The following VCF1 variants were observed in gnomAD, a reference collection of about 807,000 sequenced individuals.
VCF1 encodes the protein VCP nuclear cofactor family member 1.
chr17:73,220,027 A>G, the VCF1 span, among the ~76,000 whole-genome samples: 452 of 152,188 alleles, frequency 3.0e-3, 5 homozygotes, highest in African/African-American at 0.011. Flanking sequence ...TTAATTTGCT[A>G]CAGGGTTCTA....
chr17:73,217,764 G>A, the VCF1 span, among the ~76,000 whole-genome samples: 1 of 151,958 alleles, frequency 6.6e-6, no homozygotes, highest in African/African-American at 2.4e-5. Context: ...CTGAGCTCAG[G>A]AGTTTGAGAC....
the VCF1 span, among the ~76,000 whole-genome samples, chr17:73,211,635 G>A: frequency 6.6e-6 from 1 of 151,238 alleles, no homozygotes; most frequent in East Asian, 1.9e-4. Flanking sequence ...CCCGAGGCAG[G>A]TGGATCACGA....
the VCF1 span, among the ~76,000 whole-genome samples, chr17:73,224,835 CACAGCACAGGACAGGACAGGACAGG>C: frequency 7.6e-6 from 1 of 130,972 alleles, no homozygotes; most frequent in African/African-American, 2.9e-5. Flanking sequence ...CACAGCACAG[CACAGCACAGGACAGGACAGGACAGG>C]ACAGCACAGG....
chr17:73,226,370 A>G, the VCF1 span, among the ~76,000 whole-genome samples: 1 of 152,224 alleles, frequency 6.6e-6, no homozygotes, highest in Non-Finnish European at 1.5e-5. Context: ...CAGACTGGAT[A>G]TAGGTCAAAT....
At chr17:73,225,879 T>A in the VCF1 span, among the ~76,000 whole-genome samples, 1 of 95,514 alleles carries the variant, frequency 1.0e-5, no homozygotes, top group African/African-American at 4.0e-5. Context: ...TATATATATA[T>A]ATAATATATA....
chr17:73,220,116 C>T, the VCF1 span, among the ~76,000 whole-genome samples: 1 of 152,078 alleles, frequency 6.6e-6, no homozygotes, highest in Non-Finnish European at 1.5e-5. Flanking sequence ...TACTACAACT[C>T]TAAGACGGAT....
At chr17:73,227,811 T>C in the VCF1 span, 1 of 242,688 alleles carries the variant, frequency 4.1e-6, no homozygotes, top group Non-Finnish European at 6.6e-6. Context: ...TATGAGATGA[T>C]AGCATAAGCT....
At chr17:73,230,026 G>A in the VCF1 span, among the ~76,000 whole-genome samples, 2 of 152,018 alleles carry the variant, frequency 1.3e-5, no homozygotes, top group African/African-American at 4.8e-5. Flanking sequence ...GTCTGGTGAG[G>A]TGGCTCACAT....
the VCF1 span, among the ~76,000 whole-genome samples, chr17:73,228,717 A>C: frequency 2.0e-5 from 3 of 152,244 alleles, no homozygotes; most frequent in African/African-American, 7.2e-5. Context: ...GGTTTTAATA[A>C]TCATTAAATG....
the VCF1 span, chr17:73,229,557 C>T: frequency 5.1e-6 from 5 of 985,164 alleles, no homozygotes; most frequent in East Asian, 2.3e-4. Flanking sequence ...CCTAGAGACT[C>T]GGCATAGAAA....
At chr17:73,208,497 T>TTTC in the VCF1 span, 1 of 1,602,816 alleles carries the variant, frequency 6.2e-7, no homozygotes, top group Admixed American at 1.7e-5. Context: ...TACCACATTA[T>TTTC]TTCTTCTAAA....
chr17:73,208,043 T>C, the VCF1 span: 1 of 1,356,680 alleles, frequency 7.4e-7, no homozygotes, highest in East Asian at 3.1e-5. Flanking sequence ...TCTGCCCACA[T>C]TAGGTTAGCA....
At chr17:73,208,314 G>A in the VCF1 span, 1 of 1,613,372 alleles carries the variant, frequency 6.2e-7, no homozygotes, top group South Asian at 1.1e-5. Flanking sequence ...CCAATGGCAG[G>A]TTGTCCCCCC....
the VCF1 span, chr17:73,232,177 G>C: frequency 3.1e-6 from 5 of 1,608,976 alleles, no homozygotes; most frequent in Non-Finnish European, 4.2e-6. Flanking sequence ...GTTGTGTTTC[G>C]GCGGCCGCCA....
the VCF1 span, among the ~76,000 whole-genome samples, chr17:73,224,862 CAG>C: frequency 3.3e-5 from 5 of 151,352 alleles, no homozygotes; most frequent in East Asian, 3.9e-4. Context: ...CAGGACAGGA[CAG>C]CACAGGACAG....
chr17:73,219,383 G>A, the VCF1 span, among the ~76,000 whole-genome samples: 6 of 151,838 alleles, frequency 4.0e-5, no homozygotes, highest in African/African-American at 1.5e-4. Context: ...GGGCGCGGTG[G>A]CTCATGCCTG....
the VCF1 span, among the ~76,000 whole-genome samples, chr17:73,226,637 A>G: frequency 6.6e-6 from 1 of 152,328 alleles, no homozygotes; most frequent in South Asian, 2.1e-4. Flanking sequence ...CATGAAATCA[A>G]AAATTGTAAA....
the VCF1 span, among the ~76,000 whole-genome samples, chr17:73,216,891 C>T: frequency 2.6e-5 from 4 of 152,310 alleles, no homozygotes; most frequent in African/African-American, 7.2e-5. Flanking sequence ...ATGGCAGAAA[C>T]TAAACAACTC....
At chr17:73,209,606 G>T in the VCF1 span, 1 of 1,579,262 alleles carries the variant, frequency 6.3e-7, no homozygotes. Flanking sequence ...TGGAAGTAGA[G>T]GCCTTGGCAC....
Sources: gnomAD v4.1 joint callset for allele counts (sites outside exome capture counted in the v4.1 genomes callset) on GRCh38, gnomAD v4.1.1 for gene constraint, MANE v1.5 for transcripts, NCBI Gene and HGNC (gene_info 2026-07-23, HGNC 2026-07-21) for gene names.